MAPKAP1: variants seen among roughly 807,000 people sequenced by gnomAD.
The protein encoded by MAPKAP1 is target of rapamycin complex 2 subunit MAPKAP1.
A neutral mutation model predicts 65.7 loss-of-function variants in MAPKAP1; 20 were observed. That is an observed-to-expected ratio of 0.30 (90% confidence interval 0.21 to 0.44). MAPKAP1 has a LOEUF of 0.44. Among genes scored for constraint, MAPKAP1 ranks in the 20% least tolerant of loss-of-function variants. MAPKAP1 has a pLI of 1.00. For missense variants in MAPKAP1, 423 were observed against 648.0 expected (o/e 0.65, Z 3.77); for synonymous variants, 222 against 244.3 (o/e 0.91, Z 0.85).
In MAPKAP1 at chr9:125,439,131, G is replaced by C; in HGVS notation, c.1444-119C>G. ...GCCGGGTGCCTCAGGGCCAGGTGCTGTCGTGTGGAAGGAGTCCAGTCATCA... is the reference window on the plus strand; with the variant it reads ...GCCGGGTGCCTCAGGGCCAGGTGCTCTCGTGTGGAAGGAGTCCAGTCATCA... On this transcript the variant is annotated intron_variant, in intron 11 of 11. Coordinates refer to ENST00000265960, the MANE Select transcript of MAPKAP1 (RefSeq NM_001006617.3). This position sits in a 1 kb window ranked among gnomAD's most constrained non-coding sequence, Gnocchi z 4.0. 8.5e-7 allele frequency: 1 copy of C among 1,172,680 alleles called. No individual in the cohort carries two copies. The highest frequency in any genetic ancestry group is 1.2e-6 in the Non-Finnish European group (1 of 839,750). The allele number at this position is 1,172,680 out of a possible 1,614,324, so 72.6% of individuals were successfully genotyped here.
chr9:125,576,943 C>A (rs1476372726), intron 5 of MAPKAP1, among the ~76,000 whole-genome samples: 5 of 151,646 alleles, frequency 3.3e-5, no homozygotes, highest in Admixed American at 1.3e-4. Context: ...GCCGCCACCC[C>A]GTCTGGGAAG....
At chr9:125,565,407 AAC>A (rs1401836657) in intron 5 of MAPKAP1, 2 of 165,038 alleles carry the variant, frequency 1.2e-5, no homozygotes, top group African/African-American at 4.8e-5. Flanking sequence ...GAAAATGTAA[AAC>A]ACACTTAAGT....
intron 1 of MAPKAP1, among the ~76,000 whole-genome samples, chr9:125,683,155 A>T (rs539658292): frequency 6.6e-6 from 1 of 151,982 alleles, no homozygotes; most frequent in East Asian, 1.9e-4. Context: ...ATGGAGTTTC[A>T]CTATGTTGGG....
intron 5 of MAPKAP1, among the ~76,000 whole-genome samples, chr9:125,565,087 A>C (rs577381116): frequency 6.6e-6 from 1 of 152,344 alleles, no homozygotes; most frequent in South Asian, 2.1e-4. Flanking sequence ...TACAGGGCAG[A>C]ATATATATGA....
chr9:125,641,115 T>C (rs894248475), intron 4 of MAPKAP1, among the ~76,000 whole-genome samples: 17 of 151,596 alleles, frequency 1.1e-4, no homozygotes, highest in Admixed American at 4.6e-4. Flanking sequence ...CTGTGTAGAT[T>C]AGATGCATGC....
chr9:125,615,351 C>A (rs1832714982), intron 4 of MAPKAP1, among the ~76,000 whole-genome samples: 1 of 152,006 alleles, frequency 6.6e-6, no homozygotes, highest in Admixed American at 6.6e-5. Context: ...CAACTCTAAT[C>A]AAAATCTCAG....
In MAPKAP1 at chr9:125,459,376, G is replaced by A. The variant is rs1425856641; in HGVS notation, c.1345+8596C>T. Among the ~76,000 whole-genome samples, 868 of 150,860 alleles carry A rather than the reference G, an allele frequency of 5.8e-3. 5 individuals are homozygous for A. Among genetic ancestry groups the A allele is most frequent in the African/African-American group, 0.02 (803 of 40,770 alleles). On this transcript the variant is annotated intron_variant, in intron 10 of 11. Coordinates refer to ENST00000265960, the MANE Select transcript of MAPKAP1 (RefSeq NM_001006617.3). ...GCTCCTCACATCCCAGACGATGGGC[G>A]GCCAGGCAGAGACGCTCCTCACTTC... is the stretch of plus-strand genomic sequence containing the variant.
Position 125,439,673 on chromosome 9 carries a change from C to A in MAPKAP1, c.1444-661G>T, listed in dbSNP as rs983218606. 4.7e-4 allele frequency among the ~76,000 whole-genome samples: 71 copies of A among 152,272 alleles called. No individual in the cohort carries two copies. The highest frequency in any genetic ancestry group is 2.4e-4 in the Non-Finnish European group (16 of 68,050). On this transcript the variant is annotated intron_variant, in intron 11 of 11. Transcript: ENST00000265960. The surrounding 1 kb of genome is among the most constrained non-coding windows in gnomAD (Gnocchi z 4.0). Reference sequence around the variant, plus strand: ...GGCTGCCTCCTGGGCTCCTCTCAGGCCTTCTGCACGCTGCTGCTTCCACGA... The same window carrying A: ...GGCTGCCTCCTGGGCTCCTCTCAGGACTTCTGCACGCTGCTGCTTCCACGA...
chr9:125,555,314 G>A (rs929734675), intron 6 of MAPKAP1, among the ~76,000 whole-genome samples: 1 of 152,190 alleles, frequency 6.6e-6, no homozygotes, highest in Admixed American at 6.5e-5. Context: ...GATAGTTACT[G>A]TTACCCAAAT....
At chr9:125,446,104 C>T (rs934972300) in intron 10 of MAPKAP1, among the ~76,000 whole-genome samples, 1 of 152,074 alleles carries the variant, frequency 6.6e-6, no homozygotes, top group African/African-American at 2.4e-5. Context: ...AATATATCAC[C>T]CATATTACTG....
intron 4 of MAPKAP1, among the ~76,000 whole-genome samples, chr9:125,641,680 A>C (rs1367116988): frequency 6.6e-6 from 1 of 150,984 alleles, no homozygotes; most frequent in East Asian, 1.9e-4. Flanking sequence ...CCACGGCAGG[A>C]GGTTCACTTG....
chr9:125,519,595 C>T (rs1693211548), intron 7 of MAPKAP1, among the ~76,000 whole-genome samples: 1 of 151,058 alleles, frequency 6.6e-6, no homozygotes, highest in African/African-American at 2.4e-5. Context: ...TGCCACTGCA[C>T]TCCATCCTGG....
At chr9:125,506,283 G>A (rs751489013) in intron 8 of MAPKAP1, 27 bp downstream of exon 8, 40 of 1,579,536 alleles carry the variant, frequency 2.5e-5, no homozygotes, top group African/African-American at 5.4e-5. Flanking sequence ...CGGACAAAGC[G>A]GGCATGGAGC....
chr9:125,500,278 C>T (rs554322944), intron 8 of MAPKAP1, among the ~76,000 whole-genome samples: 137 of 151,958 alleles, frequency 9.0e-4, no homozygotes, highest in Non-Finnish European at 1.7e-3. Flanking sequence ...AGCTCTGCCT[C>T]CCGGGTTCAC....
chr9:125,543,256 TTTG>T (rs1830309006), intron 6 of MAPKAP1, 88 bp from the exon 7 acceptor site: 4 of 933,604 alleles, frequency 4.3e-6, no homozygotes, highest in Admixed American at 2.0e-5. Context: ...GCAAGTTTTT[TTTG>T]TTGTTGTTTG....
At chr9:125,674,814 GGTGA>G (rs1390252547) in intron 1 of MAPKAP1, among the ~76,000 whole-genome samples, 1 of 152,186 alleles carries the variant, frequency 6.6e-6, no homozygotes, top group East Asian at 1.9e-4. Flanking sequence ...GAAATGCAAA[GGTGA>G]GTAAGGTATC....
chr9:125,480,974 GGAAAAAAAAAAAAA>G (rs1287490235), intron 9 of MAPKAP1, among the ~76,000 whole-genome samples: 3 of 97,630 alleles, frequency 3.1e-5, no homozygotes, highest in African/African-American at 4.2e-5. Context: ...TCCGTTTCGG[GGAAAAAAAAAAAAA>G]AAAAAAAAAA....
chr9:125,692,769 C>G lies in MAPKAP1; in HGVS notation c.-70+14202G>C, dbSNP rs537164331. Among the ~76,000 whole-genome samples, 15 of 152,174 alleles carry G rather than the reference C, an allele frequency of 9.9e-5. 1 individual carries two copies. In the East Asian group the frequency reaches 2.3e-3, roughly 23 times the overall value. On this transcript the variant is annotated intron_variant, in intron 1 of 11. Coordinates refer to ENST00000265960, the MANE Select transcript of MAPKAP1 (RefSeq NM_001006617.3). ...CCAAAACAAGGATACCAACAAAGTA[C>G]CTAATAAGCAGAATTGGCAACAGTA...
At chr9:125,488,252 G>C (rs760324348) in intron 8 of MAPKAP1, among the ~76,000 whole-genome samples, 1 of 152,178 alleles carries the variant, frequency 6.6e-6, no homozygotes, top group African/African-American at 2.4e-5. Context: ...GCACCTGAGG[G>C]AGTACAGAAG....
Sources: gnomAD v4.1 joint callset for allele counts (sites outside exome capture counted in the v4.1 genomes callset) on GRCh38, gnomAD v4.1.1 for gene constraint, Gnocchi (gnomAD v3.1) non-coding constraint, MANE v1.5 for transcripts, NCBI Gene and HGNC (gene_info 2026-07-23, HGNC 2026-07-21) for gene names.